The following DRG1 variants were observed in gnomAD, a reference collection of about 807,000 sequenced individuals.
DRG1 encodes developmentally regulated GTP binding protein 1, also known as developmentally-regulated GTP-binding protein 1.
In DRG1, 19 loss-of-function variants were observed where a neutral mutation model predicts 38.8. That is an observed-to-expected ratio of 0.49 (90% CI 0.34 to 0.72). The LOEUF (loss-of-function observed/expected upper bound fraction) is 0.72. DRG1 is among the 30% of genes least tolerant of loss of function. DRG1 has a pLI of 0.01. For missense variants in DRG1, 299 were observed against 444.8 expected (o/e 0.67, Z 2.95); for synonymous variants, 167 against 157.5 (o/e 1.06, Z -0.45).
chr22:31,403,953 A>G (rs970270139), intron 3 of DRG1, among the ~76,000 whole-genome samples: 1 of 148,016 alleles, frequency 6.8e-6, no homozygotes, highest in African/African-American at 2.5e-5. Flanking sequence ...TGAGAGTCAC[A>G]GCTTTGGCAG....
At chr22:31,410,342 C>G (rs527811315) in intron 3 of DRG1, among the ~76,000 whole-genome samples, 1 of 151,800 alleles carries the variant, frequency 6.6e-6, no homozygotes, top group African/African-American at 2.4e-5. Context: ...GTAGTCCCAG[C>G]TACTCGGGAA....
At chr22:31,400,847 C>T (rs2049957236) in intron 2 of DRG1, 104 bp downstream of exon 2, 1 of 1,309,218 alleles carries the variant, frequency 7.6e-7, no homozygotes, top group East Asian at 3.1e-5. Flanking sequence ...TGCAGTGGCT[C>T]AACGCCTGCA....
rs1417188016 is a variant in DRG1, at chr22:31,434,043, T to C, written c.*72T>C. ...CCATGATCAAGCACCCTACCCCAGT[T>C]CTTTCTGGTTTTGGCAGTCACTGGA... On this transcript the variant is annotated 3_prime_UTR_variant, in exon 9 of 9. Coordinates refer to ENST00000331457, the MANE Select transcript of DRG1 (RefSeq NM_004147.4). The C allele has an allele frequency of 3.5e-5, 51 of 1,447,158 alleles. No individual in the cohort carries two copies. The highest frequency in any genetic ancestry group is 1.9e-6 in the Non-Finnish European group (2 of 1,044,644). The allele number at this position is 1,447,158 out of a possible 1,614,324, so 89.6% of individuals were successfully genotyped here. A position where few individuals can be genotyped will look rare whatever the true frequency, so the allele number is the denominator to read the frequency against.
At chr22:31,413,170 C>G (rs1422931393) in intron 4 of DRG1, among the ~76,000 whole-genome samples, 2 of 151,866 alleles carry the variant, frequency 1.3e-5, no homozygotes, top group African/African-American at 4.8e-5. Flanking sequence ...TTGTACGTAG[C>G]TCACCGTAAC....
At chr22:31,422,562 G>A (rs1404526862) in intron 5 of DRG1, among the ~76,000 whole-genome samples, 1 of 152,198 alleles carries the variant, frequency 6.6e-6, no homozygotes, top group Non-Finnish European at 1.5e-5. Context: ...GACCAATTCT[G>A]TCAAATGCTG....
intron 3 of DRG1, among the ~76,000 whole-genome samples, chr22:31,407,680 T>C (rs2049996059): frequency 7.5e-6 from 1 of 133,926 alleles, no homozygotes; most frequent in Non-Finnish European, 1.7e-5. Context: ...TTTATTTTCA[T>C]TTTTCTTTTT....
In DRG1 at chr22:31,400,759, C is replaced by T. The variant is rs2049956526; in HGVS notation, c.166+16C>T. On this transcript the variant is annotated intron_variant, in intron 2 of 8. Coordinates refer to ENST00000331457, the MANE Select transcript of DRG1 (RefSeq NM_004147.4). ...CCAGGAGAAGGTTTGTGTTCTTCTT[C>T]AATATATATATTTTTAGGTATAATT... The T allele has an allele frequency of 6.2e-7, 1 of 1,604,494 alleles. No individual in the cohort carries two copies.
chr22:31,431,404 C>T (rs553222650), intron 8 of DRG1, among the ~76,000 whole-genome samples: 2 of 152,120 alleles, frequency 1.3e-5, no homozygotes, highest in African/African-American at 2.4e-5. Context: ...TGGTAGCTCA[C>T]GCCTGTAATC....
chr22:31,415,513 C>G (rs1249663603), intron 4 of DRG1, among the ~76,000 whole-genome samples: 1 of 152,152 alleles, frequency 6.6e-6, no homozygotes. Context: ...GTGTGTGCCA[C>G]CACGCCTGGC....
chr22:31,415,859 CT>C (rs1420960094), intron 4 of DRG1, among the ~76,000 whole-genome samples: 1 of 151,622 alleles, frequency 6.6e-6, no homozygotes, highest in Non-Finnish European at 1.5e-5. Context: ...CCAACACCTT[CT>C]TTTTTTTTCC....
At chr22:31,422,610 AAATTT>A (rs1363561115) in intron 5 of DRG1, among the ~76,000 whole-genome samples, 1 of 152,178 alleles carries the variant, frequency 6.6e-6, no homozygotes, top group African/African-American at 2.4e-5. Context: ...GTTTCCTACT[AAATTT>A]AACACTTCAG....
chr22:31,429,652 T>TC (rs989160504), intron 8 of DRG1, among the ~76,000 whole-genome samples: 2 of 151,272 alleles, frequency 1.3e-5, no homozygotes, highest in Non-Finnish European at 2.9e-5. Context: ...TTTGATAAGC[T>TC]CCTTTTTTTT....
In DRG1 at chr22:31,400,632, CAAAAG is replaced by C. The variant is rs2049955819; in HGVS notation, c.58_62del (p.Lys20GlnfsTer11). On this transcript the variant is annotated frameshift_variant, in exon 2 of 9. Transcript: ENST00000331457. LOFTEE classifies it high-confidence loss of function. ...TCCTCCCTTTTAGATGGCTCGGACTCAAAAGAACAAGGCCACAGCACACCACTTAG... is the reference window on the plus strand; with the variant it reads ...TCCTCCCTTTTAGATGGCTCGGACTCAACAAGGCCACAGCACACCACTTAG... 1 of 1,612,824 alleles carries C rather than the reference CAAAAG, an allele frequency of 6.2e-7. No homozygotes were observed. The highest frequency in any genetic ancestry group is 8.5e-7 in the Non-Finnish European group (1 of 1,179,342).
intron 3 of DRG1, among the ~76,000 whole-genome samples, chr22:31,405,681 G>GTT (rs1347470603): frequency 6.7e-6 from 1 of 148,666 alleles, no homozygotes; most frequent in East Asian, 2.2e-4. Flanking sequence ...GTGTGTGTGT[G>GTT]GGGGGGTTTA....
intron 8 of DRG1, among the ~76,000 whole-genome samples, chr22:31,429,992 T>C (rs2050130533): frequency 6.6e-6 from 1 of 152,108 alleles, no homozygotes; most frequent in Non-Finnish European, 1.5e-5. Flanking sequence ...CTCAAACTCC[T>C]GGGTTCAAGT....
chr22:31,410,987 T>G (rs1283986743), intron 3 of DRG1, 25 bp from the exon 4 acceptor site: 1 of 1,611,986 alleles, frequency 6.2e-7, no homozygotes, highest in African/African-American at 1.3e-5. Context: ...TCTTTCATCC[T>G]CTTCCCCCAT....
At chr22:31,404,204 A>G (rs1290034418) in intron 3 of DRG1, among the ~76,000 whole-genome samples, 1 of 150,710 alleles carries the variant, frequency 6.6e-6, no homozygotes, top group African/African-American at 2.4e-5. Flanking sequence ...GGCTTTCTCC[A>G]GAAACTAAGT....
rs115162898 is a variant in DRG1, at chr22:31,422,140, A to C, written c.583-1140A>C. ...AAAAAAGAAAGAAAGAAAGAAAAGA[A>C]AAGAGAATCGGCCAGGCACGGTGGC... On this transcript the variant is annotated intron_variant, in intron 5 of 8. Transcript: ENST00000331457. 5.3e-3 allele frequency among the ~76,000 whole-genome samples: 787 copies of C among 149,668 alleles called. 5 individuals are homozygous for C. The highest frequency in any genetic ancestry group is 0.018 in the African/African-American group (745 of 41,046).
intron 3 of DRG1, among the ~76,000 whole-genome samples, chr22:31,407,393 G>A (rs578258505): frequency 6.6e-6 from 1 of 152,166 alleles, no homozygotes; most frequent in Admixed American, 6.6e-5. Flanking sequence ...GCAGTGGCAC[G>A]GGTACGATCA....
Sources: allele counts gnomAD v4.1 joint callset (sites outside exome capture counted in the v4.1 genomes callset), GRCh38; gene constraint gnomAD v4.1.1; transcripts MANE v1.5; gene names NCBI Gene and HGNC (gene_info 2026-07-23, HGNC 2026-07-21).